The following CBFA2T3 variants were observed in gnomAD, a reference collection of about 807,000 sequenced individuals.
CBFA2T3 encodes transcriptional corepressor CBFA2T3.
CBFA2T3 carries 31 observed loss-of-function variants against 58.6 expected under a neutral mutation model. That is an observed-to-expected ratio of 0.53 (90% CI 0.40 to 0.71). The LOEUF is 0.71. Ranked by LOEUF, CBFA2T3 falls within the 30% of genes least tolerant of loss-of-function variation. CBFA2T3 has a pLI of 0.00. For missense variants in CBFA2T3, 1,076 were observed against 963.1 expected, an observed-to-expected ratio of 1.12 and a Z score of -1.55; for synonymous variants, 531 against 421.9, an observed-to-expected ratio of 1.26 and a Z score of -3.17.
intron 1 of CBFA2T3, among the ~76,000 whole-genome samples, chr16:88,930,157 G>T (rs1368388672): frequency 6.8e-6 from 1 of 147,458 alleles, no homozygotes; most frequent in African/African-American, 2.6e-5. Context: ...AATACCCACA[G>T]CTGCATGGTC....
chr16:88,956,250 G>C (rs940112297), intron 1 of CBFA2T3, among the ~76,000 whole-genome samples: 1 of 152,282 alleles, frequency 6.6e-6, no homozygotes, highest in Non-Finnish European at 1.5e-5. Context: ...TGTTTATCAC[G>C]CGTGTGACGG....
intron 1 of CBFA2T3, among the ~76,000 whole-genome samples, chr16:88,917,702 G>A (rs1223531236): frequency 2.0e-5 from 3 of 152,168 alleles, no homozygotes; most frequent in Non-Finnish European, 4.4e-5. Flanking sequence ...GTGCCCCTGC[G>A]TCAAGTCAAG....
intron 3 of CBFA2T3, among the ~76,000 whole-genome samples, chr16:88,895,545 C>T (rs2968471): frequency 0.063 from 9,523 of 152,216 alleles, 767 homozygotes; most frequent in African/African-American, 0.19. Flanking sequence ...CCCCACACAC[C>T]GAGCAAACAG....
chr16:88,913,703 CACAA>C (rs201788483), intron 1 of CBFA2T3, among the ~76,000 whole-genome samples: 16 of 152,290 alleles, frequency 1.1e-4, no homozygotes, highest in East Asian at 3.9e-4. Context: ...AGGACATGTG[CACAA>C]ACAGTGATCT....
chr16:88,976,519 A>G, intron 1 of CBFA2T3, 138 bp downstream of exon 1: 1 of 663,042 alleles, frequency 1.5e-6, no homozygotes, highest in Non-Finnish European at 2.6e-6. Context: ...TTGATATCTG[A>G]GGTGAGTCAA....
intron 5 of CBFA2T3, among the ~76,000 whole-genome samples, chr16:88,888,622 C>T: frequency 2.4e-5 from 1 of 41,644 alleles, no homozygotes; most frequent in Non-Finnish European, 5.3e-5. Context: ...GGGGTGGGGG[C>T]TGCTCCCTGG....
chr16:88,973,587 G>A (rs773277367), intron 1 of CBFA2T3, among the ~76,000 whole-genome samples: 16 of 152,146 alleles, frequency 1.1e-4, no homozygotes, highest in South Asian at 8.3e-4. Context: ...AGAATATTCC[G>A]GACCCAGAAC....
intron 1 of CBFA2T3, among the ~76,000 whole-genome samples, chr16:88,932,188 C>T (rs2911448): frequency 3.1e-5 from 4 of 129,712 alleles, no homozygotes; most frequent in African/African-American, 3.1e-5. Flanking sequence ...CCCCCTCACA[C>T]GGCCCCCGCT....
intron 1 of CBFA2T3, among the ~76,000 whole-genome samples, chr16:88,944,334 C>A (rs1444774429): frequency 1.3e-4 from 15 of 117,000 alleles, no homozygotes; most frequent in Non-Finnish European, 2.0e-4. Flanking sequence ...GAGACTCCAT[C>A]TCAAAAAAAA....
At chr16:88,927,272 G>C (rs763909844) in intron 1 of CBFA2T3, among the ~76,000 whole-genome samples, 16 of 152,166 alleles carry the variant, frequency 1.1e-4, no homozygotes, top group Non-Finnish European at 2.1e-4. Context: ...GCCGGGTCCC[G>C]CCCTGCCCTC....
intron 1 of CBFA2T3, among the ~76,000 whole-genome samples, chr16:88,905,572 T>C (rs1970278346): frequency 6.6e-6 from 1 of 151,250 alleles, no homozygotes. Flanking sequence ...AGGAAATGCC[T>C]CTTTGGGTTC....
chr16:88,947,466 A>T (rs1211373216), intron 1 of CBFA2T3, among the ~76,000 whole-genome samples: 1 of 152,192 alleles, frequency 6.6e-6, no homozygotes, highest in African/African-American at 2.4e-5. Context: ...TGATTCCCCT[A>T]TCGTACAAAA....
At chr16:88,910,573 G>C (rs1295328591) in intron 1 of CBFA2T3, among the ~76,000 whole-genome samples, 1 of 152,230 alleles carries the variant, frequency 6.6e-6, no homozygotes, top group African/African-American at 2.4e-5. Flanking sequence ...GGGACAGGCA[G>C]TGCCCTCCCA....
chr16:88,924,467 T>G (rs1049182399), intron 1 of CBFA2T3, among the ~76,000 whole-genome samples: 14 of 151,864 alleles, frequency 9.2e-5, no homozygotes, highest in African/African-American at 2.2e-4. Flanking sequence ...GGGATGGCCT[T>G]GGAGACGGGT....
chr16:88,885,187 G>T lies in CBFA2T3; in HGVS notation c.976C>A (p.Arg326Ser). ...GGTGGCCCGTTGCTGGGGCTGTAGC[G>T]CTGGGCAGGGTTCAGGGTGCATGGC... ...KRPCTLNPAQ[R>S]YSPSNGPPQP... is the part of the protein sequence containing the mutation. The change falls in exon 7 of 12, where the codon CGC (arginine) becomes AGC (serine). Residue 326 changes from arginine to serine, a missense_variant. Physicochemically the swap from Arg to Ser is moderately radical, Grantham distance 110. Transcript: ENST00000268679. This position sits in a 1 kb window ranked among gnomAD's most constrained non-coding sequence, Gnocchi z 5.3. The T allele has an allele frequency of 6.2e-7, 1 of 1,603,848 alleles. No homozygotes were observed.
chr16:88,937,593 G>A (rs1215732206), intron 1 of CBFA2T3: 4 of 152,248 alleles, frequency 2.6e-5, no homozygotes, highest in Non-Finnish European at 5.9e-5. Flanking sequence ...CACCCGCGTC[G>A]GGCTCCTGCG....
chr16:88,931,297 C>G (rs993955266), intron 1 of CBFA2T3, among the ~76,000 whole-genome samples: 7 of 152,052 alleles, frequency 4.6e-5, no homozygotes, highest in Non-Finnish European at 8.8e-5. Flanking sequence ...GTGCTGGAAA[C>G]CAGGAGGGTG....
intron 1 of CBFA2T3, among the ~76,000 whole-genome samples, chr16:88,918,080 G>C (rs2142727771): frequency 6.6e-6 from 1 of 152,268 alleles, no homozygotes; most frequent in Admixed American, 6.5e-5. Context: ...GGCATGGCCA[G>C]GCTGTGCAGG....
chr16:88,891,921 G>A lies in CBFA2T3; in HGVS notation c.672C>T (p.Thr224=), dbSNP rs889244052. 8.1e-6 allele frequency: 13 copies of A among 1,613,286 alleles called. No homozygotes were observed. Among genetic ancestry groups the A allele is most frequent in the East Asian group, 2.2e-5 (1 of 44,894 alleles). ...EEFHSKLQEA[T]NFPLRPFVIP... ...TGACAAACGGCCGCAGAGGGAAGTT[G>A]GTGGCCTCCTGAAGCTTGGAATGAA... Residue 224 remains threonine, a synonymous_variant, in exon 5 of 12, where the codon ACC becomes ACT. Coordinates refer to ENST00000268679, the MANE Select transcript of CBFA2T3 (RefSeq NM_005187.6).
Sources: gnomAD v4.1 joint callset for allele counts (sites outside exome capture counted in the v4.1 genomes callset) on GRCh38, gnomAD v4.1.1 for gene constraint, Gnocchi (gnomAD v3.1) non-coding constraint, MANE v1.5 for transcripts, NCBI Gene and HGNC (gene_info 2026-07-23, HGNC 2026-07-21) for gene names.